The following MOSMO variants were observed in gnomAD, a reference collection of about 807,000 sequenced individuals.
The protein encoded by MOSMO is modulator of smoothened.
A neutral mutation model predicts 18.4 loss-of-function variants in MOSMO; 5 were observed. The ratio of observed to expected loss-of-function variants is 0.27; its 90% CI spans 0.14 to 0.57. The LOEUF (loss-of-function observed/expected upper bound fraction) is 0.57, where lower values mean the gene tolerates loss of function less well. MOSMO is among the 20% of genes least tolerant of loss of function. The probability of loss-of-function intolerance (pLI) is 0.92; values close to 1 mark genes in which losing one functional copy is unlikely to be tolerated. For synonymous variants in MOSMO, 82 were observed against 82.3 expected (o/e 1.00, Z 0.02); for missense variants, 138 against 211.8 (o/e 0.65, Z 2.16).
chr16:22,071,209 C>T (rs1469181722), intron 1 of MOSMO, among the ~76,000 whole-genome samples: 1 of 152,114 alleles, frequency 6.6e-6, no homozygotes, highest in Non-Finnish European at 1.5e-5. Context: ...AATCATAGTA[C>T]CTAGAGCTGA....
chr16:22,065,655 A>G (rs188710299), intron 1 of MOSMO, among the ~76,000 whole-genome samples: 143 of 152,274 alleles, frequency 9.4e-4, no homozygotes, highest in African/African-American at 3.4e-3. Flanking sequence ...TTTTCCTGAA[A>G]ACTATTATTC....
chr16:22,089,402 A>G (rs1355338580), downstream of MOSMO, among the ~76,000 whole-genome samples: 1 of 152,078 alleles, frequency 6.6e-6, no homozygotes, highest in Non-Finnish European at 1.5e-5. Context: ...TCCTTGATGG[A>G]TGAAGCTAGA....
chr16:22,078,290 A>G (rs1294415034), intron 2 of MOSMO, among the ~76,000 whole-genome samples: 1 of 152,208 alleles, frequency 6.6e-6, no homozygotes, highest in African/African-American at 2.4e-5. Context: ...ATCAGCATTA[A>G]TAATATTTTA....
intron 1 of MOSMO, among the ~76,000 whole-genome samples, chr16:22,008,905 G>T (rs1899454488): frequency 6.6e-6 from 1 of 152,058 alleles, no homozygotes. Context: ...AGGCCGAGAG[G>T]GATCAGGTCC....
chr16:22,058,936 A>G (rs1231075305), intron 1 of MOSMO, among the ~76,000 whole-genome samples: 1 of 152,174 alleles, frequency 6.6e-6, no homozygotes. Flanking sequence ...CAGCTTGGGA[A>G]CAAACTTGAC....
chr16:22,043,153 G>A (rs1190574793), intron 1 of MOSMO, among the ~76,000 whole-genome samples: 2 of 152,146 alleles, frequency 1.3e-5, no homozygotes, highest in African/African-American at 2.4e-5. Context: ...TTTAACATAT[G>A]GAAAATTTTT....
At chr16:22,026,495 A>G (rs1899879732) in intron 1 of MOSMO, among the ~76,000 whole-genome samples, 1 of 152,204 alleles carries the variant, frequency 6.6e-6, no homozygotes, top group African/African-American at 2.4e-5. Context: ...CTGGGATTAC[A>G]GGCATGAGCC....
At chr16:22,049,006 A>G (rs1263129700) in intron 1 of MOSMO, among the ~76,000 whole-genome samples, 1 of 152,010 alleles carries the variant, frequency 6.6e-6, no homozygotes, top group Non-Finnish European at 1.5e-5. Context: ...CTAAATTCCT[A>G]TATATATACT....
intron 1 of MOSMO, among the ~76,000 whole-genome samples, chr16:22,024,160 A>G (rs1899827438): frequency 6.6e-6 from 1 of 151,894 alleles, no homozygotes; most frequent in Non-Finnish European, 1.5e-5. Flanking sequence ...TCTTCTAGAC[A>G]GTTTCTTTGG....
chr16:22,076,254 T>C (rs955281957), intron 2 of MOSMO: 5 of 152,326 alleles, frequency 3.3e-5, no homozygotes, highest in African/African-American at 1.2e-4. Flanking sequence ...CTTTGCAAAA[T>C]TGGTTTAATT....
rs571792136 is a variant in MOSMO, at chr16:22,060,225, A to G, written c.107-15262A>G. On this transcript the variant is annotated intron_variant, in intron 1 of 2. Transcript: ENST00000542527. ...TCAAAATATAAAACATTTGTCCTTC[A>G]AGAGCCATTGCTAAGAAAATTTAAA... Among the ~76,000 whole-genome samples, 9 of 152,304 alleles carry G rather than the reference A, an allele frequency of 5.9e-5. No individual in the cohort carries two copies. The East Asian group carries it at 1.7e-3, about 29-fold the overall frequency.
chr16:22,039,333 A>G (rs188691813), intron 1 of MOSMO, among the ~76,000 whole-genome samples: 1 of 152,286 alleles, frequency 6.6e-6, no homozygotes, highest in African/African-American at 2.4e-5. Context: ...CTTTTTATCT[A>G]TAAAAAGGAA....
At chr16:22,056,642 C>T (rs1428061762) in intron 1 of MOSMO, among the ~76,000 whole-genome samples, 2 of 151,914 alleles carry the variant, frequency 1.3e-5, no homozygotes, top group African/African-American at 4.8e-5. Context: ...CCTCGGCCTC[C>T]CAAAGTGCTG....
At chr16:22,080,144 T>C (rs1049685911) in intron 2 of MOSMO, among the ~76,000 whole-genome samples, 20 of 152,180 alleles carry the variant, frequency 1.3e-4, no homozygotes, top group Admixed American at 5.2e-4. Context: ...GTACCTTTTC[T>C]CCAATTCCTT....
chr16:22,053,498 G>A (rs978921733), intron 1 of MOSMO, among the ~76,000 whole-genome samples: 1 of 152,018 alleles, frequency 6.6e-6, no homozygotes, highest in African/African-American at 2.4e-5. Flanking sequence ...CTCCTGTAAA[G>A]ATACACAAGA....
chr16:22,067,453 G>T (rs773504672), intron 1 of MOSMO, among the ~76,000 whole-genome samples: 1 of 152,190 alleles, frequency 6.6e-6, no homozygotes, highest in Non-Finnish European at 1.5e-5. Context: ...CTTGAAGGGA[G>T]CAGGAAAACA....
In MOSMO at chr16:22,008,227, G is replaced by A. The variant is rs2141971998; in HGVS notation, c.-75G>A. On this transcript the variant is annotated 5_prime_UTR_variant, in exon 1 of 3. Transcript: ENST00000542527. ...CGGCGCGGGGACTCCGGGCCCCGGC[G>A]GCGGCCCATGGGGCGGGAGGCGTGA... is the stretch of plus-strand genomic sequence containing the variant. 3.7e-6 allele frequency: 3 copies of A among 820,370 alleles called. No homozygotes were observed. Among genetic ancestry groups the A allele is most frequent in the East Asian group, 3.9e-5 (1 of 25,970 alleles). The allele number at this position is 820,370 out of a possible 1,614,324, so 50.8% of individuals were successfully genotyped here.
chr16:22,083,659 T>A lies in MOSMO; in HGVS notation c.*2779T>A. 1 of 453,552 alleles carries A rather than the reference T, an allele frequency of 2.2e-6. No homozygotes were observed. Among genetic ancestry groups the A allele is most frequent in the Middle Eastern group, 3.3e-4 (1 of 3,062 alleles). 28.1% of individuals were successfully genotyped at this position (453,552 alleles called of 1,614,324 possible). ...TGCAATCATTTGTCAAACTTTTGTC[T>A]GTTTCATTGTTTTTAGAGTGTGTGC... On this transcript the variant is annotated 3_prime_UTR_variant, in exon 3 of 3. Transcript: ENST00000542527.
At position 22,047,393 on chromosome 16, in the gene MOSMO, C is replaced by T. The variant is rs373488136; in HGVS notation, c.107-28094C>T. Among the ~76,000 whole-genome samples the T allele has an allele frequency of 3.2e-4, 48 of 151,902 alleles. 1 individual carries two copies. In the East Asian group the frequency reaches 4.1e-3, roughly 13 times the overall value. The stretch of plus-strand genomic sequence containing the variant: ...CGGAGTAGCTGGGACTACAGGCGCC[C>T]GTCACCACGCCCGGCTAATTTTTTG... On this transcript the variant is annotated intron_variant, in intron 1 of 2. Transcript: ENST00000542527.
Sources: gnomAD v4.1 joint callset for allele counts (sites outside exome capture counted in the v4.1 genomes callset) on GRCh38, gnomAD v4.1.1 for gene constraint, MANE v1.5 for transcripts, NCBI Gene and HGNC (gene_info 2026-07-23, HGNC 2026-07-21) for gene names.